LPP: variants seen among roughly 807,000 people sequenced by gnomAD.
LPP encodes the protein LIM domain containing preferred translocation partner in lipoma.
In LPP, 38 loss-of-function variants were observed where a neutral mutation model predicts 60.4. The ratio of observed to expected loss-of-function variants is 0.63; its 90% CI spans 0.49 to 0.83. The LOEUF is 0.83. Among genes scored for constraint, LPP ranks in the 40% least tolerant of loss-of-function variants. The pLI, the probability that LPP is intolerant of heterozygous loss-of-function variation, is 0.00. For synonymous variants in LPP, 328 were observed against 290.8 expected (o/e 1.13, Z -1.30); for missense variants, 902 against 783.6 (o/e 1.15, Z -1.80).
intron 5 of LPP, among the ~76,000 whole-genome samples, chr3:188,519,033 ATAGT>A (rs1818169531): frequency 6.6e-6 from 1 of 152,206 alleles, no homozygotes; most frequent in Non-Finnish European, 1.5e-5. Flanking sequence ...CATTAAGGCC[ATAGT>A]TAGTTCAGGC....
chr3:188,778,486 A>T (rs902766252), intron 9 of LPP, among the ~76,000 whole-genome samples: 1 of 152,180 alleles, frequency 6.6e-6, no homozygotes, highest in African/African-American at 2.4e-5. Flanking sequence ...TACATTCTGG[A>T]GGTGTAATTA....
chr3:188,519,094 T>C (rs555772923), intron 5 of LPP, among the ~76,000 whole-genome samples: 1 of 152,356 alleles, frequency 6.6e-6, no homozygotes, highest in East Asian at 1.9e-4. Flanking sequence ...TGAAAGGTTT[T>C]TGACTAGTAG....
At chr3:188,674,794 C>G (rs1454388925) in intron 7 of LPP, among the ~76,000 whole-genome samples, 1 of 152,186 alleles carries the variant, frequency 6.6e-6, no homozygotes, top group Non-Finnish European at 1.5e-5. Flanking sequence ...CTAGGCATCT[C>G]TGACTTCAAA....
At chr3:188,747,100 C>T (rs778360769) in intron 8 of LPP, among the ~76,000 whole-genome samples, 1 of 152,180 alleles carries the variant, frequency 6.6e-6, no homozygotes, top group Non-Finnish European at 1.5e-5. Context: ...ATGTGGCCAG[C>T]TCAGGTACAT....
chr3:188,492,827 A>G (rs1808801989), intron 5 of LPP, among the ~76,000 whole-genome samples: 1 of 152,212 alleles, frequency 6.6e-6, no homozygotes, highest in Non-Finnish European at 1.5e-5. Flanking sequence ...AAACACGCCA[A>G]ATGATGCTTG....
intron 9 of LPP, among the ~76,000 whole-genome samples, chr3:188,811,790 G>A (rs747051174): frequency 3.4e-4 from 52 of 152,070 alleles, no homozygotes; most frequent in Non-Finnish European, 6.6e-4. Flanking sequence ...ACACTGAAAC[G>A]TTTGAGTATT....
At chr3:188,661,889 C>A (rs1479010348) in intron 7 of LPP, among the ~76,000 whole-genome samples, 3 of 152,158 alleles carry the variant, frequency 2.0e-5, no homozygotes, top group Non-Finnish European at 4.4e-5. Flanking sequence ...TAATAGGCAG[C>A]AGACTTGGGG....
chr3:188,477,345 G>C (rs932875376), intron 4 of LPP, among the ~76,000 whole-genome samples: 1 of 152,198 alleles, frequency 6.6e-6, no homozygotes, highest in African/African-American at 2.4e-5. Context: ...GTAGTAGCTG[G>C]ATCAGTCAAA....
At chr3:188,859,701 G>A (rs1302397102) in intron 9 of LPP, among the ~76,000 whole-genome samples, 1 of 152,098 alleles carries the variant, frequency 6.6e-6, no homozygotes, top group Non-Finnish European at 1.5e-5. Flanking sequence ...AGAAAACTGA[G>A]GCAATAGATG....
At chr3:188,542,435 G>A (rs1411916061) in intron 6 of LPP, among the ~76,000 whole-genome samples, 2 of 152,154 alleles carry the variant, frequency 1.3e-5, no homozygotes, top group African/African-American at 4.8e-5. Flanking sequence ...TTTCAGGAAG[G>A]AAATAGTGCA....
At chr3:188,444,185 A>G (rs1794686036) in intron 4 of LPP, among the ~76,000 whole-genome samples, 1 of 152,134 alleles carries the variant, frequency 6.6e-6, no homozygotes, top group Non-Finnish European at 1.5e-5. Context: ...AACTACAAGG[A>G]TGATGTATTT....
chr3:188,291,156 T>A (rs1745791144), intron 2 of LPP, among the ~76,000 whole-genome samples: 1 of 152,218 alleles, frequency 6.6e-6, no homozygotes, highest in Admixed American at 6.5e-5. Flanking sequence ...TTCTTCAGAA[T>A]CTTTTACTTT....
intron 7 of LPP, among the ~76,000 whole-genome samples, chr3:188,643,485 A>C (rs1195280327): frequency 6.6e-6 from 1 of 152,224 alleles, no homozygotes; most frequent in African/African-American, 2.4e-5. Flanking sequence ...ATATTATAAA[A>C]ATCTGAGAAT....
At chr3:188,191,166 G>T (rs1728067025) in intron 1 of LPP, among the ~76,000 whole-genome samples, 1 of 152,218 alleles carries the variant, frequency 6.6e-6, no homozygotes, top group African/African-American at 2.4e-5. Flanking sequence ...GGAGGCCAAG[G>T]TTGCAGTGAG....
At chr3:188,788,291 T>C (rs1462532927) in intron 9 of LPP, among the ~76,000 whole-genome samples, 1 of 152,200 alleles carries the variant, frequency 6.6e-6, no homozygotes, top group East Asian at 1.9e-4. Context: ...TGTGCACACA[T>C]ACCTAAACAC....
intron 4 of LPP, among the ~76,000 whole-genome samples, chr3:188,474,828 C>G (rs958708392): frequency 2.0e-5 from 3 of 152,136 alleles, no homozygotes; most frequent in African/African-American, 7.2e-5. Flanking sequence ...GCATTAAGCT[C>G]AACTCATTGT....
At chr3:188,237,163 T>C (rs931140221) in intron 2 of LPP, among the ~76,000 whole-genome samples, 3 of 152,182 alleles carry the variant, frequency 2.0e-5, no homozygotes, top group Admixed American at 6.5e-5. Context: ...TGTTCATCCA[T>C]AAGAAGCCCC....
intron 4 of LPP, among the ~76,000 whole-genome samples, chr3:188,483,597 C>A (rs1004559163): frequency 2.0e-5 from 3 of 152,172 alleles, no homozygotes; most frequent in Admixed American, 6.5e-5. Context: ...AAAAAGGTTT[C>A]ATTCCAGGAA....
chr3:188,640,460 T>C (rs1849843185), intron 7 of LPP, among the ~76,000 whole-genome samples: 1 of 150,040 alleles, frequency 6.7e-6, no homozygotes, highest in South Asian at 2.1e-4. Flanking sequence ...ATGGCACATG[T>C]ATACGTATGT....
Sources: gnomAD v4.1 joint callset for allele counts (sites outside exome capture counted in the v4.1 genomes callset) on GRCh38, gnomAD v4.1.1 for gene constraint, MANE v1.5 for transcripts, NCBI Gene and HGNC (gene_info 2026-07-23, HGNC 2026-07-21) for gene names.